Variants in ADHFE1 observed in about 807,000 individuals in gnomAD.
The protein encoded by ADHFE1 is hydroxyacid-oxoacid transhydrogenase, mitochondrial.
ADHFE1 carries 37 observed loss-of-function variants against 54.8 expected under a neutral mutation model. The ratio of observed to expected loss-of-function variants is 0.68; its 90% CI spans 0.52 to 0.89. ADHFE1 has a LOEUF of 0.89. ADHFE1 is among the 40% of genes least tolerant of loss of function. The probability of loss-of-function intolerance (pLI) is 0.00; values close to 1 mark genes in which losing one functional copy is unlikely to be tolerated. For missense variants in ADHFE1, 601 were observed against 591.2 expected, an observed-to-expected ratio of 1.02 and a Z score of -0.17; for synonymous variants, 203 against 229.3, an observed-to-expected ratio of 0.89 and a Z score of 1.04.
intron 3 of ADHFE1, among the ~76,000 whole-genome samples, chr8:66,443,617 G>A (rs1356329917): frequency 1.3e-5 from 2 of 152,074 alleles, no homozygotes; most frequent in East Asian, 1.9e-4. Flanking sequence ...GGGCCTGACA[G>A]TTAACCAAGA....
chr8:66,445,979 A>AT (rs1293011039), intron 6 of ADHFE1, among the ~76,000 whole-genome samples: 2 of 152,088 alleles, frequency 1.3e-5, no homozygotes, highest in African/African-American at 4.8e-5. Context: ...GGACCTTGAG[A>AT]TTTTCTAGTC....
chr8:66,465,951 A>AT (rs1363691774), intron 13 of ADHFE1, among the ~76,000 whole-genome samples: 2 of 151,540 alleles, frequency 1.3e-5, no homozygotes, highest in South Asian at 4.2e-4. Context: ...ATGATTTGCA[A>AT]TTTTTTTTAA....
At chr8:66,440,346 A>G (rs929597180) in intron 2 of ADHFE1, 147 bp downstream of exon 2, 1 of 734,846 alleles carries the variant, frequency 1.4e-6, no homozygotes, top group Non-Finnish European at 2.3e-6. Context: ...GAAATTGATA[A>G]CACGTAACTC....
chr8:66,444,740 G>A lies in ADHFE1; in HGVS notation c.345G>A (p.Thr115=), dbSNP rs376306377. ...ATGATAATGTGAGAGTGGAACCAAC[G>A]GATTCAAGGTATTCTTGTATTGTTG... ...TVYDNVRVEP[T]DSSFMEAIEF... The change falls in exon 5 of 14, where the codon ACG becomes ACA. Residue 115 remains threonine (T), a synonymous_variant. Coordinates refer to ENST00000396623, the MANE Select transcript of ADHFE1 (RefSeq NM_144650.3). 1.7e-5 allele frequency: 28 copies of A among 1,613,750 alleles called. No homozygotes were observed. The highest frequency in any genetic ancestry group is 1.0e-4 in the Admixed American group (6 of 59,934).
Position 66,432,576 on chromosome 8 carries a change from G to A in ADHFE1, c.59+1G>A. ...TGCTGAGGCAACTGCAACGCGCAGC[G>A]TGAGTGCGGGGCCGGCGGGCGGGCA... On this transcript the variant is annotated splice_donor_variant, in intron 1 of 13. Transcript: ENST00000396623. LOFTEE classifies it high-confidence loss of function. 7.5e-7 allele frequency: 1 copy of A among 1,332,896 alleles called. No individual in the cohort carries two copies. 82.6% of individuals were successfully genotyped at this position (1,332,896 alleles called of 1,614,324 possible). A position where few individuals can be genotyped will look rare whatever the true frequency, so the allele number is the denominator to read the frequency against.
intron 9 of ADHFE1, among the ~76,000 whole-genome samples, 154 bp downstream of exon 9, chr8:66,452,259 TGGA>T (rs1806339403): frequency 6.6e-6 from 1 of 152,214 alleles, no homozygotes; most frequent in African/African-American, 2.4e-5. Context: ...CAGCAGCCTC[TGGA>T]GGGACCCAAG....
intron 1 of ADHFE1, among the ~76,000 whole-genome samples, chr8:66,438,886 G>C (rs185923331): frequency 6.6e-6 from 1 of 152,016 alleles, no homozygotes; most frequent in Non-Finnish European, 1.5e-5. Context: ...AAGGTGGCGG[G>C]GGGTGTAGGG....
At chr8:66,459,265 A>T (rs1806755995) in intron 12 of ADHFE1, among the ~76,000 whole-genome samples, 1 of 152,056 alleles carries the variant, frequency 6.6e-6, no homozygotes, top group Non-Finnish European at 1.5e-5. Context: ...GCTAGAATAT[A>T]TGAGAATGTA....
chr8:66,460,914 A>G (rs908399066), intron 13 of ADHFE1, among the ~76,000 whole-genome samples: 1 of 152,358 alleles, frequency 6.6e-6, no homozygotes, highest in Admixed American at 6.5e-5. Flanking sequence ...CCTTTCAATT[A>G]ACACTATCAC....
At chr8:66,446,452 G>T (rs1806026804) in intron 6 of ADHFE1, among the ~76,000 whole-genome samples, 1 of 151,998 alleles carries the variant, frequency 6.6e-6, no homozygotes, top group African/African-American at 2.4e-5. Context: ...TTAAGCTCTG[G>T]CCCCCAAGGA....
Position 66,460,434 on chromosome 8 carries a change from T to C in ADHFE1, c.1289T>C (p.Ile430Thr). 1 of 1,602,930 alleles carries C rather than the reference T, an allele frequency of 6.2e-7. No homozygotes were observed. The highest frequency in any genetic ancestry group is 8.5e-7 in the Non-Finnish European group (1 of 1,171,436). The change falls in exon 13 of 14, where the codon ATC becomes ACC. Residue 430 changes from isoleucine (I) to threonine (T), a missense_variant. Coordinates refer to ENST00000396623, the MANE Select transcript of ADHFE1 (RefSeq NM_144650.3). ...LAAVGYSKAD[I>T]PALVKGTLPQ... is the part of the protein sequence containing the mutation. ...GCTGTTGGTTACTCCAAAGCTGATA[T>C]CCCCGCACTAGTGAAAGGAACGCTG...
chr8:66,449,665 G>C (rs1290500031), intron 8 of ADHFE1, among the ~76,000 whole-genome samples: 1 of 152,196 alleles, frequency 6.6e-6, no homozygotes, highest in Non-Finnish European at 1.5e-5. Flanking sequence ...AGGCCTCATG[G>C]AGACCCCACA....
chr8:66,455,063 A>G (rs992680737), intron 10 of ADHFE1, among the ~76,000 whole-genome samples: 4 of 152,196 alleles, frequency 2.6e-5, no homozygotes, highest in Admixed American at 1.3e-4. Flanking sequence ...TTTCATGTAA[A>G]TGGAATCATA....
At chr8:66,463,284 T>C (rs2555575) in intron 13 of ADHFE1, among the ~76,000 whole-genome samples, 96,778 of 152,106 alleles carry the variant, frequency 0.64, 32,210 homozygotes, top group African/African-American at 0.83. Flanking sequence ...GATAGCAAAA[T>C]CTTAATTGGA....
chr8:66,444,183 T>G (rs1320753138), intron 3 of ADHFE1, among the ~76,000 whole-genome samples, 184 bp from the exon 4 acceptor site: 2 of 152,192 alleles, frequency 1.3e-5, no homozygotes. Context: ...AGCTGAAGTT[T>G]GCTTAAGGAA....
Position 66,439,128 on chromosome 8 carries a change from C to A in ADHFE1, c.60-1034C>A, listed in dbSNP as rs1805615972. 1.1e-6 allele frequency: 1 copy of A among 945,566 alleles called. No individual in the cohort carries two copies. Among genetic ancestry groups the A allele is most frequent in the Non-Finnish European group, 1.3e-6 (1 of 793,628 alleles). 58.6% of individuals were successfully genotyped at this position (945,566 alleles called of 1,614,324 possible). ...GACTCGCGCCAGCTCTCACTCGCCC[C>A]CGCGTCTGCTTTGACTTCGCAGTTC... is the stretch of plus-strand genomic sequence containing the variant. On this transcript the variant is annotated intron_variant, in intron 1 of 13. Coordinates refer to ENST00000396623, the MANE Select transcript of ADHFE1 (RefSeq NM_144650.3). The surrounding 1 kb of genome is among the most constrained non-coding windows in gnomAD (Gnocchi z 4.4).
At chr8:66,437,470 C>T (rs1805523825) in intron 1 of ADHFE1, among the ~76,000 whole-genome samples, 1 of 152,164 alleles carries the variant, frequency 6.6e-6, no homozygotes, top group Admixed American at 6.5e-5. Flanking sequence ...CACTCTGCTT[C>T]TCTGAAGGAG....
At chr8:66,440,115 C>T in intron 1 of ADHFE1, 47 bp from the exon 2 acceptor site, 1 of 1,591,370 alleles carries the variant, frequency 6.3e-7, no homozygotes, top group Admixed American at 1.8e-5. Flanking sequence ...TTTTTGGTCT[C>T]TATTTTCACC....
chr8:66,453,960 T>C, intron 9 of ADHFE1, 99 bp from the exon 10 acceptor site: 2 of 1,547,404 alleles, frequency 1.3e-6, no homozygotes, highest in South Asian at 2.5e-5. Flanking sequence ...CGAGTAGCAT[T>C]TCTTTTTTTT....
Sources: allele counts gnomAD v4.1 joint callset (sites outside exome capture counted in the v4.1 genomes callset), GRCh38; gene constraint gnomAD v4.1.1; non-coding constraint Gnocchi (gnomAD v3.1); transcripts MANE v1.5; gene names NCBI Gene and HGNC (gene_info 2026-07-23, HGNC 2026-07-21).